Variants in CMSS1 observed in about 807,000 individuals in gnomAD.
CMSS1 encodes the protein protein CMSS1.
CMSS1 carries 33 observed loss-of-function variants against 43.5 expected under a neutral mutation model. The ratio of observed to expected loss-of-function variants is 0.76; its 90% CI spans 0.57 to 1.01. The LOEUF (loss-of-function observed/expected upper bound fraction) is 1.01, where lower values mean the gene tolerates loss of function less well. Among genes scored for constraint, CMSS1 ranks in the 50% least tolerant of loss-of-function variants. The pLI, the probability that CMSS1 is intolerant of heterozygous loss-of-function variation, is 0.00. For missense variants in CMSS1, 313 were observed against 326.4 expected, an observed-to-expected ratio of 0.96 and a Z score of 0.32; for synonymous variants, 115 against 117.2, an observed-to-expected ratio of 0.98 and a Z score of 0.12.
At chr3:99,818,118 T>C in intron 1 of CMSS1, 75 bp downstream of exon 1, 1 of 1,445,772 alleles carries the variant, frequency 6.9e-7, no homozygotes, top group Non-Finnish European at 9.6e-7. Context: ...TGGTCGCTTC[T>C]GGCGATCGCG....
At chr3:100,140,523 T>G (rs1163746684) in intron 1 of CMSS1, among the ~76,000 whole-genome samples, 1 of 151,836 alleles carries the variant, frequency 6.6e-6, no homozygotes, top group East Asian at 1.9e-4. Context: ...CTGTTCTTTT[T>G]CTTTCTTTTT....
At chr3:100,108,670 C>G (rs952915667) in intron 1 of CMSS1, among the ~76,000 whole-genome samples, 13 of 152,122 alleles carry the variant, frequency 8.5e-5, no homozygotes, top group Non-Finnish European at 5.9e-5. Flanking sequence ...ATTCCGAGAT[C>G]AACATTGGAT....
chr3:100,081,526 C>G (rs1263140274), intron 1 of CMSS1, among the ~76,000 whole-genome samples: 1 of 152,128 alleles, frequency 6.6e-6, no homozygotes, highest in Admixed American at 6.5e-5. Context: ...GTGGATAGCT[C>G]AGGGATTAAC....
intron 1 of CMSS1, among the ~76,000 whole-genome samples, chr3:99,955,050 C>G (rs1207284084): frequency 1.3e-5 from 2 of 152,214 alleles, no homozygotes; most frequent in African/African-American, 2.4e-5. Flanking sequence ...GGTATCTTCT[C>G]TCACTTAAAA....
chr3:99,900,791 A>G (rs2107626258), intron 1 of CMSS1, among the ~76,000 whole-genome samples: 1 of 152,308 alleles, frequency 6.6e-6, no homozygotes, highest in Middle Eastern at 3.4e-3. Flanking sequence ...TCAGCCTCAG[A>G]GATTCTGACC....
chr3:100,013,214 G>GTGTTGT (rs35047568), intron 1 of CMSS1, among the ~76,000 whole-genome samples: 17,574 of 145,444 alleles, frequency 0.12, 1,109 homozygotes, highest in East Asian at 0.16. Flanking sequence ...GGCCAGTGAG[G>GTGTTGT]TGTTGTTGTT....
chr3:100,095,468 TACTACAGTGA>T (rs1403112309), intron 1 of CMSS1, among the ~76,000 whole-genome samples: 2 of 152,110 alleles, frequency 1.3e-5, no homozygotes, highest in African/African-American at 4.8e-5. Flanking sequence ...AAAAACAATA[TACTACAGTGA>T]ACTTAATTTT....
At chr3:100,048,709 A>T (rs4928151) in intron 1 of CMSS1, among the ~76,000 whole-genome samples, 1 of 151,984 alleles carries the variant, frequency 6.6e-6, no homozygotes, top group African/African-American at 2.4e-5. Context: ...AATCAAGTCC[A>T]GGTGGGTTTT....
At chr3:99,850,701 T>C (rs1454739887) in intron 1 of CMSS1, 17 of 1,614,194 alleles carry the variant, frequency 1.1e-5, no homozygotes, top group Admixed American at 1.7e-5. Context: ...CTGCCAGCTT[T>C]TGTTGAAGCT....
chr3:99,955,002 C>T (rs1708279327), intron 1 of CMSS1, among the ~76,000 whole-genome samples: 1 of 152,152 alleles, frequency 6.6e-6, no homozygotes, highest in Admixed American at 6.5e-5. Flanking sequence ...TCTGTTTTGC[C>T]TCTTACAAAG....
chr3:99,850,137 TTTC>T, intron 1 of CMSS1: 1 of 1,611,868 alleles, frequency 6.2e-7, no homozygotes, highest in Non-Finnish European at 8.5e-7. Flanking sequence ...TATCTTCAGT[TTTC>T]TTTAATTTTT....
chr3:100,152,127 C>T, intron 2 of CMSS1, among the ~76,000 whole-genome samples: 1 of 151,996 alleles, frequency 6.6e-6, no homozygotes, highest in Non-Finnish European at 1.5e-5. Flanking sequence ...TATTAAGTCT[C>T]GAGGCCTAAG....
intron 1 of CMSS1, among the ~76,000 whole-genome samples, chr3:99,839,504 A>G (rs1342155146): frequency 6.6e-6 from 1 of 152,178 alleles, no homozygotes; most frequent in African/African-American, 2.4e-5. Context: ...TCTAAACAGT[A>G]GAGAGTTATC....
intron 1 of CMSS1, among the ~76,000 whole-genome samples, chr3:99,867,060 C>T (rs1308346390): frequency 6.6e-6 from 1 of 152,166 alleles, no homozygotes; most frequent in East Asian, 1.9e-4. Context: ...ACTTCCTTTC[C>T]TGTAAGTTGG....
At chr3:99,991,160 G>T (rs1317556423) in intron 1 of CMSS1, among the ~76,000 whole-genome samples, 1 of 152,070 alleles carries the variant, frequency 6.6e-6, no homozygotes, top group Non-Finnish European at 1.5e-5. Flanking sequence ...ATTCTCATTC[G>T]ATTTGCAGTA....
At chr3:99,833,829 C>A (rs1942785286) in intron 1 of CMSS1, among the ~76,000 whole-genome samples, 1 of 152,186 alleles carries the variant, frequency 6.6e-6, no homozygotes, top group Non-Finnish European at 1.5e-5. Context: ...CTGCTCACTC[C>A]CTTGGGGACT....
intron 1 of CMSS1, among the ~76,000 whole-genome samples, chr3:99,912,054 C>T (rs1007400543): frequency 6.6e-6 from 1 of 152,092 alleles, no homozygotes; most frequent in Non-Finnish European, 1.5e-5. Flanking sequence ...GAAACTTTAT[C>T]TCATGAGAAA....
chr3:100,171,823 T>C lies in CMSS1; in HGVS notation c.519-16T>C. The C allele has an allele frequency of 6.2e-7, 1 of 1,612,656 alleles. No individual in the cohort carries two copies. Among genetic ancestry groups the C allele is most frequent in the Non-Finnish European group, 8.5e-7 (1 of 1,178,764 alleles). ...GAGTTGGTTTTCTTAAGCATTCACC[T>C]GCTTCTTTTCATTAGGTCGATGACA... is the stretch of plus-strand genomic sequence containing the variant. On this transcript the variant is annotated splice_polypyrimidine_tract_variant and intron_variant, in intron 6 of 9. Transcript: ENST00000421999.
chr3:99,922,015 A>G (rs1707140059), intron 1 of CMSS1, among the ~76,000 whole-genome samples: 1 of 152,206 alleles, frequency 6.6e-6, no homozygotes, highest in Admixed American at 6.5e-5. Flanking sequence ...AGAGATACAC[A>G]GTGAATATCA....
Sources: gnomAD v4.1 joint callset for allele counts (sites outside exome capture counted in the v4.1 genomes callset) on GRCh38, gnomAD v4.1.1 for gene constraint, MANE v1.5 for transcripts, NCBI Gene and HGNC (gene_info 2026-07-23, HGNC 2026-07-21) for gene names.